Variants in GAREM1 observed in about 807,000 individuals in gnomAD.
GAREM1 encodes the protein GRB2 associated regulator of MAPK1 subtype 1, also known as GRB2-associated and regulator of MAPK protein 1.
A neutral mutation model predicts 71.3 loss-of-function variants in GAREM1; 26 were observed. The ratio of observed to expected loss-of-function variants is 0.36; its 90% CI spans 0.27 to 0.51. The LOEUF is 0.51. GAREM1 is among the 20% of genes least tolerant of loss of function. The pLI is 0.95. For missense variants in GAREM1, 1,026 were observed against 1,103.1 expected (o/e 0.93, Z 0.99); for synonymous variants, 440 against 433.2 (o/e 1.02, Z -0.20).
chr18:32,275,965 G>A (rs1399219477), intron 4 of GAREM1, among the ~76,000 whole-genome samples: 21 of 152,172 alleles, frequency 1.4e-4, no homozygotes, highest in African/African-American at 3.9e-4. Flanking sequence ...GTGAGCCACC[G>A]TGCCTGGCCT....
At chr18:32,270,895 A>ATTTTTTTTTTTTTTTTTTTTTTTT in intron 4 of GAREM1, among the ~76,000 whole-genome samples, 1 of 89,232 alleles carries the variant, frequency 1.1e-5, no homozygotes, top group African/African-American at 3.2e-5. Flanking sequence ...ATGTTCAGGG[A>ATTTTTTTTTTTTTTTTTTTTTTTT]TGTTTTTTTT....
chr18:32,284,412 T>A (rs1449105110), intron 4 of GAREM1, among the ~76,000 whole-genome samples: 1 of 152,196 alleles, frequency 6.6e-6, no homozygotes, highest in Non-Finnish European at 1.5e-5. Flanking sequence ...AATTTAGCAT[T>A]TCTTTTTTAG....
chr18:32,442,556 G>A (rs1342022976), intron 1 of GAREM1, among the ~76,000 whole-genome samples: 1 of 152,132 alleles, frequency 6.6e-6, no homozygotes, highest in Non-Finnish European at 1.5e-5. Flanking sequence ...AAAAGAAGAT[G>A]ACTTTATAAT....
intron 1 of GAREM1, among the ~76,000 whole-genome samples, chr18:32,427,324 TGTAA>T: frequency 6.6e-6 from 1 of 152,210 alleles, no homozygotes; most frequent in Non-Finnish European, 1.5e-5. Flanking sequence ...TCAACAGGTA[TGTAA>T]ATTATTCTTC....
intron 1 of GAREM1, among the ~76,000 whole-genome samples, chr18:32,401,485 T>C (rs2048315410): frequency 6.6e-6 from 1 of 152,096 alleles, no homozygotes; most frequent in Non-Finnish European, 1.5e-5. Flanking sequence ...AGATCGAGAC[T>C]TCAGCAGAGG....
chr18:32,445,513 G>A (rs1445053662), intron 1 of GAREM1, among the ~76,000 whole-genome samples: 3 of 152,094 alleles, frequency 2.0e-5, no homozygotes, highest in Non-Finnish European at 2.9e-5. Context: ...TAAAAAGAGA[G>A]AGAAAATAAA....
chr18:32,444,363 T>A (rs1349387948), intron 1 of GAREM1, among the ~76,000 whole-genome samples: 1 of 152,208 alleles, frequency 6.6e-6, no homozygotes, highest in Non-Finnish European at 1.5e-5. Context: ...GCTCAAGTCC[T>A]GCTCTGCTTT....
chr18:32,303,373 T>C (rs568684555), intron 3 of GAREM1, among the ~76,000 whole-genome samples: 1 of 152,298 alleles, frequency 6.6e-6, no homozygotes, highest in South Asian at 2.1e-4. Context: ...ATAGTAAAGA[T>C]AGAGCTTAAA....
intron 3 of GAREM1, among the ~76,000 whole-genome samples, chr18:32,299,513 C>CAAAAAAAA (rs57549959): frequency 2.9e-5 from 2 of 69,324 alleles, no homozygotes; most frequent in African/African-American, 9.3e-5. Flanking sequence ...GACCCCATCT[C>CAAAAAAAA]AAAAAAAAAA....
intron 4 of GAREM1, among the ~76,000 whole-genome samples, chr18:32,272,384 C>T (rs2041474987): frequency 6.6e-6 from 1 of 152,200 alleles, no homozygotes; most frequent in Non-Finnish European, 1.5e-5. Context: ...GCCCTGGTTA[C>T]TGGGGCCCAG....
At chr18:32,315,449 TAA>T (rs1337503610) in intron 2 of GAREM1, among the ~76,000 whole-genome samples, 1 of 146,852 alleles carries the variant, frequency 6.8e-6, no homozygotes, top group Non-Finnish European at 1.5e-5. Context: ...AAAATATATA[TAA>T]AAGTATATAT....
chr18:32,387,034 TAA>T (rs771568393), intron 2 of GAREM1, among the ~76,000 whole-genome samples: 1 of 67,054 alleles, frequency 1.5e-5, no homozygotes, highest in African/African-American at 6.0e-5. Flanking sequence ...TTTTTTTTTT[TAA>T]AAAAAAATCA....
intron 3 of GAREM1, among the ~76,000 whole-genome samples, chr18:32,294,189 T>C (rs596653): frequency 0.36 from 54,431 of 152,002 alleles, 10,792 homozygotes; most frequent in African/African-American, 0.53. Context: ...GAGAAAACCC[T>C]TATTCTCAGG....
chr18:32,368,024 G>A (rs1054858458), intron 2 of GAREM1, among the ~76,000 whole-genome samples: 9 of 152,032 alleles, frequency 5.9e-5, no homozygotes, highest in East Asian at 1.9e-4. Context: ...ATTCCTATCC[G>A]TGCTTACCCC....
intron 1 of GAREM1, among the ~76,000 whole-genome samples, chr18:32,422,820 C>T (rs771894889): frequency 2.6e-5 from 4 of 152,134 alleles, no homozygotes; most frequent in Non-Finnish European, 5.9e-5. Flanking sequence ...TTTGGAATCA[C>T]AGAATTTTAG....
intron 1 of GAREM1, among the ~76,000 whole-genome samples, chr18:32,418,690 C>G (rs1183492701): frequency 6.6e-6 from 1 of 152,138 alleles, no homozygotes; most frequent in Non-Finnish European, 1.5e-5. Flanking sequence ...CCAATAAGAT[C>G]GAACTGGGGG....
At chr18:32,455,347 G>A (rs762497681) in intron 1 of GAREM1, among the ~76,000 whole-genome samples, 56 of 152,190 alleles carry the variant, frequency 3.7e-4, no homozygotes, top group Non-Finnish European at 3.5e-4. Flanking sequence ...ACAGATGTAG[G>A]TCATTATGGG....
At chr18:32,431,041 G>A (rs2048619815) in intron 1 of GAREM1, among the ~76,000 whole-genome samples, 1 of 152,130 alleles carries the variant, frequency 6.6e-6, no homozygotes, top group Non-Finnish European at 1.5e-5. Flanking sequence ...TTGCATGCCT[G>A]GATCTGACCA....
intron 4 of GAREM1, among the ~76,000 whole-genome samples, chr18:32,282,418 C>T (rs1452704268): frequency 1.3e-5 from 2 of 152,028 alleles, no homozygotes; most frequent in African/African-American, 4.8e-5. Context: ...GAGTTAGACT[C>T]CGTCTAAAAA....
Sources: allele counts gnomAD v4.1 joint callset (sites outside exome capture counted in the v4.1 genomes callset), GRCh38; gene constraint gnomAD v4.1.1; transcripts MANE v1.5; gene names NCBI Gene and HGNC (gene_info 2026-07-23, HGNC 2026-07-21).